MCTP2: variants seen among roughly 807,000 people sequenced by gnomAD.
MCTP2 encodes the protein multiple C2 and transmembrane domain containing 2.
In MCTP2, 132 loss-of-function variants were observed where a neutral mutation model predicts 111.6. The ratio of observed to expected loss-of-function variants is 1.18; its 90% CI spans 1.03 to 1.37. MCTP2 has a LOEUF of 1.37. MCTP2 is among the 40% of genes most tolerant of loss of function. The pLI is 0.00. For missense variants in MCTP2, 1,183 were observed against 1,067.9 expected, an observed-to-expected ratio of 1.11 and a Z score of -1.50; for synonymous variants, 395 against 387.7, an observed-to-expected ratio of 1.02 and a Z score of -0.22.
At chr15:94,386,174 CG>C (rs1285184393) in intron 14 of MCTP2, among the ~76,000 whole-genome samples, 5 of 151,662 alleles carry the variant, frequency 3.3e-5, no homozygotes, top group African/African-American at 1.2e-4. Context: ...TTACATGGGT[CG>C]GGGGGAAGCT....
intron 4 of MCTP2, among the ~76,000 whole-genome samples, chr15:94,324,524 T>C (rs182445115): frequency 1.2e-3 from 187 of 152,336 alleles, no homozygotes; most frequent in African/African-American, 4.3e-3. Context: ...ATGGTCTTTT[T>C]TGATGCGAGT....
chr15:94,439,861 C>T (rs749774486), intron 17 of MCTP2, among the ~76,000 whole-genome samples: 2 of 152,192 alleles, frequency 1.3e-5, no homozygotes, highest in African/African-American at 4.8e-5. Context: ...AAAATTTGGT[C>T]TCTGGCCTGC....
chr15:94,330,736 G>T (rs1467299297), intron 4 of MCTP2, among the ~76,000 whole-genome samples: 1 of 152,034 alleles, frequency 6.6e-6, no homozygotes, highest in African/African-American at 2.4e-5. Flanking sequence ...GGGAGTGTTT[G>T]TTTGTTTGTT....
intron 1 of MCTP2, among the ~76,000 whole-genome samples, chr15:94,243,149 A>C (rs1208368241): frequency 2.8e-5 from 3 of 108,458 alleles, no homozygotes; most frequent in Non-Finnish European, 4.1e-5. Context: ...ATATATTTAT[A>C]TACGTGTGTG....
At chr15:94,449,781 C>A (rs1417635418) in intron 19 of MCTP2, among the ~76,000 whole-genome samples, 1 of 152,006 alleles carries the variant, frequency 6.6e-6, no homozygotes, top group African/African-American at 2.4e-5. Flanking sequence ...TATCTTATAC[C>A]CACTCCTTTA....
intron 2 of MCTP2, among the ~76,000 whole-genome samples, chr15:94,307,963 T>TTCA (rs1429489481): frequency 7.1e-6 from 1 of 141,056 alleles, no homozygotes; most frequent in Non-Finnish European, 1.6e-5. Flanking sequence ...ACTAATATAA[T>TTCA]TCATAATAAT....
At chr15:94,456,431 A>G (rs893284240) in intron 19 of MCTP2, among the ~76,000 whole-genome samples, 4 of 152,214 alleles carry the variant, frequency 2.6e-5, no homozygotes, top group African/African-American at 9.6e-5. Flanking sequence ...GATGCTGCCG[A>G]AAAGAGGAAG....
intron 17 of MCTP2, among the ~76,000 whole-genome samples, chr15:94,408,618 A>G (rs904695886): frequency 6.6e-6 from 1 of 152,236 alleles, no homozygotes; most frequent in African/African-American, 2.4e-5. Context: ...TAATTATGCA[A>G]TTTAATAAAA....
intron 20 of MCTP2, among the ~76,000 whole-genome samples, chr15:94,466,056 TCTTAA>T (rs1275862584): frequency 2.6e-5 from 4 of 152,324 alleles, no homozygotes; most frequent in South Asian, 2.1e-4. Context: ...TTCATTGGGT[TCTTAA>T]CTTCAATTAT....
At chr15:94,260,257 G>A (rs2152280950) in intron 1 of MCTP2, among the ~76,000 whole-genome samples, 1 of 152,234 alleles carries the variant, frequency 6.6e-6, no homozygotes, top group Admixed American at 6.5e-5. Flanking sequence ...GCTTGCCATG[G>A]TGCATTCAGA....
intron 8 of MCTP2, among the ~76,000 whole-genome samples, chr15:94,349,397 T>G (rs2078174469): frequency 6.6e-6 from 1 of 152,144 alleles, no homozygotes; most frequent in South Asian, 2.1e-4. Context: ...AACCTGTCCT[T>G]GGATACAGGG....
intron 17 of MCTP2, among the ~76,000 whole-genome samples, chr15:94,411,460 G>A (rs759717706): frequency 6.6e-6 from 1 of 152,108 alleles, no homozygotes; most frequent in African/African-American, 2.4e-5. Context: ...TGATGTGGGC[G>A]TGCTTGCTGG....
chr15:94,273,273 A>C (rs1305939441), intron 1 of MCTP2, among the ~76,000 whole-genome samples: 4 of 152,260 alleles, frequency 2.6e-5, no homozygotes, highest in African/African-American at 9.6e-5. Flanking sequence ...CAGCAACTGC[A>C]GAATTAACCA....
chr15:94,281,635 C>A (rs1458459059), intron 1 of MCTP2, among the ~76,000 whole-genome samples: 1 of 152,052 alleles, frequency 6.6e-6, no homozygotes, highest in Non-Finnish European at 1.5e-5. Context: ...CTTGACTGTG[C>A]AGTTGTTTTA....
In MCTP2 at chr15:94,482,609, G is replaced by A. The variant is rs576165523; in HGVS notation, c.*3575G>A. The A allele has an allele frequency of 6.6e-6, 1 of 152,332 alleles. No individual in the cohort carries two copies. Among genetic ancestry groups the A allele is most frequent in the African/African-American group, 2.4e-5 (1 of 41,576 alleles). 9.4% of individuals were successfully genotyped at this position (152,332 alleles called of 1,614,324 possible). On this transcript the variant is annotated 3_prime_UTR_variant, in exon 23 of 23. Transcript: ENST00000357742. ...AAATAGGAATGTCAGCAAGGTAATGGAATATATAGTTCTCAGAGAAGTAAC... is the reference window on the plus strand; with the variant it reads ...AAATAGGAATGTCAGCAAGGTAATGAAATATATAGTTCTCAGAGAAGTAAC...
intron 20 of MCTP2, among the ~76,000 whole-genome samples, chr15:94,459,081 A>T (rs777126796): frequency 2.0e-5 from 3 of 152,154 alleles, no homozygotes; most frequent in Non-Finnish European, 4.4e-5. Flanking sequence ...CTTAGTTTTC[A>T]TTTGGCACCA....
Position 94,479,351 on chromosome 15 carries a change from C to CAGGAGCCCACTTGGATTCA in MCTP2, c.*320_*338dup, listed in dbSNP as rs1379555205. The stretch of plus-strand genomic sequence containing the variant: ...GAACACCACCTTCCTTGAGAACAGC[C>CAGGAGCCCACTTGGATTCA]AGGAGCCCACTTGGATTCAAGAGTG... On this transcript the variant is annotated 3_prime_UTR_variant, in exon 23 of 23. Coordinates refer to ENST00000357742, the MANE Select transcript of MCTP2 (RefSeq NM_001385001.1). 1 of 358,832 alleles carries CAGGAGCCCACTTGGATTCA rather than the reference C, an allele frequency of 2.8e-6. No individual in the cohort carries two copies. The highest frequency in any genetic ancestry group is 4.3e-5 in the East Asian group (1 of 23,182). 22.2% of individuals were successfully genotyped at this position (358,832 alleles called of 1,614,324 possible). A position where few individuals can be genotyped will look rare whatever the true frequency, so the allele number is the denominator to read the frequency against.
intron 9 of MCTP2, among the ~76,000 whole-genome samples, chr15:94,357,733 C>A (rs1327588434): frequency 6.6e-6 from 1 of 152,144 alleles, no homozygotes; most frequent in Non-Finnish European, 1.5e-5. Flanking sequence ...TCACACTGCA[C>A]CCCTAGAGCC....
intron 2 of MCTP2, among the ~76,000 whole-genome samples, chr15:94,311,699 CCAT>C (rs2076150485): frequency 6.6e-6 from 1 of 152,116 alleles, no homozygotes; most frequent in Non-Finnish European, 1.5e-5. Flanking sequence ...GTAAAACCAG[CCAT>C]AATGTTGAAT....
Sources: allele counts gnomAD v4.1 joint callset (sites outside exome capture counted in the v4.1 genomes callset), GRCh38; gene constraint gnomAD v4.1.1; transcripts MANE v1.5; gene names NCBI Gene and HGNC (gene_info 2026-07-23, HGNC 2026-07-21).